Variants in ASRGL1 observed in about 807,000 individuals in gnomAD.
The protein encoded by ASRGL1 is isoaspartyl peptidase/L-asparaginase.
ASRGL1 carries 16 observed loss-of-function variants against 22.4 expected under a neutral mutation model. The observed-to-expected ratio is 0.71, with a 90% confidence interval of 0.48 to 1.08. The LOEUF is 1.08. ASRGL1 is among the 50% of genes least tolerant of loss of function. The pLI is 0.00. For missense variants in ASRGL1, 412 were observed against 410.1 expected (o/e 1.00, Z -0.04); for synonymous variants, 165 against 159.3 (o/e 1.04, Z -0.27).
At chr11:62,389,946 G>A (rs10897267) in intron 5 of ASRGL1, 52,052 of 153,152 alleles carry the variant, frequency 0.34, 10,228 homozygotes, top group Middle Eastern at 0.47. Flanking sequence ...CCTTTTTAAT[G>A]TGTTGCTCTA....
chr11:62,395,759 C>CTTT (rs564952668), downstream of ASRGL1, among the ~76,000 whole-genome samples: 765 of 71,934 alleles, frequency 0.011, 150 homozygotes, highest in East Asian at 0.016. Context: ...GTAGCTGTTT[C>CTTT]TTTTTTTTTT....
At chr11:62,369,018 CT>C (rs1309843976) in intron 4 of ASRGL1, among the ~76,000 whole-genome samples, 1 of 152,152 alleles carries the variant, frequency 6.6e-6, no homozygotes, top group Non-Finnish European at 1.5e-5. Context: ...ACTAATCCTC[CT>C]CAGCACAGAC....
At chr11:62,393,609 T>C (rs1030534124), downstream of ASRGL1, among the ~76,000 whole-genome samples, 3 of 152,130 alleles carry the variant, frequency 2.0e-5, no homozygotes, top group Admixed American at 6.6e-5. Context: ...CAAACCATGA[T>C]AGGGTTTATG....
At chr11:62,395,247 C>T (rs772888261), downstream of ASRGL1, among the ~76,000 whole-genome samples, 1 of 152,194 alleles carries the variant, frequency 6.6e-6, no homozygotes, top group African/African-American at 2.4e-5. Flanking sequence ...TGCCAGATGC[C>T]GGATGCCAGA....
At chr11:62,366,259 C>CAA (rs1239284598) in intron 4 of ASRGL1, among the ~76,000 whole-genome samples, 2 of 86,804 alleles carry the variant, frequency 2.3e-5, no homozygotes, top group East Asian at 3.3e-4. Flanking sequence ...AAGACTGTCT[C>CAA]AAAAAAAAAA....
At chr11:62,352,883 G>A (rs1946200255) in intron 2 of ASRGL1, among the ~76,000 whole-genome samples, 1 of 152,038 alleles carries the variant, frequency 6.6e-6, no homozygotes, top group Non-Finnish European at 1.5e-5. Flanking sequence ...CGGTGGTTTG[G>A]TTATGATGTG....
At chr11:62,388,093 T>A (rs1457669592) in intron 4 of ASRGL1, among the ~76,000 whole-genome samples, 3 of 152,176 alleles carry the variant, frequency 2.0e-5, no homozygotes, top group Non-Finnish European at 4.4e-5. Flanking sequence ...TACACACCTG[T>A]GCAGCATGTG....
At chr11:62,349,305 T>G (rs2134588203) in intron 2 of ASRGL1, among the ~76,000 whole-genome samples, 1 of 152,306 alleles carries the variant, frequency 6.6e-6, no homozygotes, top group African/African-American at 2.4e-5. Context: ...GCAGTTGCGT[T>G]TGGGGCAAGG....
intron 4 of ASRGL1, chr11:62,372,105 T>C: frequency 2.5e-6 from 2 of 784,616 alleles, no homozygotes; most frequent in South Asian, 1.4e-5. Flanking sequence ...AGCCTCCTCA[T>C]CACCACAGAA....
rs2134707718 is a variant in ASRGL1 at position 62,392,125 on chromosome 11, G to A, written c.768G>A (p.Lys256=). 6.2e-7 allele frequency: 1 copy of A among 1,614,218 alleles called. No individual in the cohort carries two copies. The highest frequency in any genetic ancestry group is 1.3e-5 in the African/African-American group (1 of 75,054). Residue 256 remains lysine, a synonymous_variant, in exon 7 of 7, where the codon AAG becomes AAA. Transcript: ENST00000415229. ...EAADLSLGYM[K]SRVKGLGGLI... is the part of the protein sequence containing the mutation. ...CGGACCTATCGTTGGGTTATATGAAGTCAAGGGTTAAAGGTTTAGGTGGCC... is the reference window on the plus strand; with the variant it reads ...CGGACCTATCGTTGGGTTATATGAAATCAAGGGTTAAAGGTTTAGGTGGCC...
At chr11:62,395,361 G>A (rs1423026165), downstream of ASRGL1, among the ~76,000 whole-genome samples, 1 of 152,220 alleles carries the variant, frequency 6.6e-6, no homozygotes, top group Non-Finnish European at 1.5e-5. Context: ...AAAATGGTGG[G>A]ATAATAAGGA....
intron 2 of ASRGL1, among the ~76,000 whole-genome samples, chr11:62,344,826 T>G (rs948332231): frequency 6.6e-6 from 1 of 152,196 alleles, no homozygotes; most frequent in African/African-American, 2.4e-5. Flanking sequence ...TCATATTCAT[T>G]CTATTTTTTG....
At chr11:62,387,493 T>C (rs1440796399) in intron 4 of ASRGL1, among the ~76,000 whole-genome samples, 1 of 152,100 alleles carries the variant, frequency 6.6e-6, no homozygotes, top group Non-Finnish European at 1.5e-5. Flanking sequence ...CTCTGATCAT[T>C]CTCCTACCAC....
intron 2 of ASRGL1, among the ~76,000 whole-genome samples, chr11:62,352,746 GTTC>G (rs1418751169): frequency 2.0e-5 from 3 of 152,098 alleles, no homozygotes; most frequent in Non-Finnish European, 2.9e-5. Context: ...GAAAAATGCT[GTTC>G]TTCTTCCTTC....
intron 5 of ASRGL1, among the ~76,000 whole-genome samples, chr11:62,391,151 T>C (rs1305239841): frequency 6.6e-6 from 1 of 152,190 alleles, no homozygotes; most frequent in Non-Finnish European, 1.5e-5. Context: ...TTGCTAGAGA[T>C]CCATATAATG....
intron 4 of ASRGL1, among the ~76,000 whole-genome samples, chr11:62,384,247 T>G (rs937237167): frequency 6.6e-6 from 1 of 151,752 alleles, no homozygotes; most frequent in African/African-American, 2.4e-5. Flanking sequence ...GCTCACACCT[T>G]TAATCCCAGC....
chr11:62,397,547 G>A (rs985620661), downstream of ASRGL1, among the ~76,000 whole-genome samples: 2 of 151,424 alleles, frequency 1.3e-5, no homozygotes, highest in African/African-American at 2.4e-5. Context: ...GCCTGTAATC[G>A]CAGCTACTGG....
At position 62,362,601 on chromosome 11, in the gene ASRGL1, A is replaced by T. The variant is rs866657397; in HGVS notation, c.491+5457A>T. ...TTATATAAAATATATAATATATATTATATAAAATATATATTATATATTATA... is the reference window on the plus strand; with the variant it reads ...TTATATAAAATATATAATATATATTTTATAAAATATATATTATATATTATA... On this transcript the variant is annotated intron_variant, in intron 4 of 6. Transcript: ENST00000415229. 1.5e-4 allele frequency among the ~76,000 whole-genome samples: 8 copies of T among 53,732 alleles called. 1 individual carries two copies. The highest frequency in any genetic ancestry group is 4.8e-4 in the African/African-American group (8 of 16,556). The allele number at this position is 53,732 out of a possible 152,430, so 35.3% of individuals were successfully genotyped here.
chr11:62,367,661 A>T (rs550596888), intron 4 of ASRGL1, among the ~76,000 whole-genome samples: 1 of 148,194 alleles, frequency 6.7e-6, no homozygotes, highest in East Asian at 2.0e-4. Flanking sequence ...GAAATAAAAT[A>T]GGCCAGGTGC....
Sources: gnomAD v4.1 joint callset for allele counts (sites outside exome capture counted in the v4.1 genomes callset) on GRCh38, gnomAD v4.1.1 for gene constraint, MANE v1.5 for transcripts, NCBI Gene and HGNC (gene_info 2026-07-23, HGNC 2026-07-21) for gene names.